Variants in TENM3 observed in about 807,000 individuals in gnomAD.
The protein encoded by TENM3 is teneurin-3.
Under a neutral mutation model 255.1 loss-of-function variants are expected in TENM3, and 63 were observed. That is an observed-to-expected ratio of 0.25 (90% CI 0.20 to 0.30). The LOEUF (loss-of-function observed/expected upper bound fraction) is 0.30, where lower values mean the gene tolerates loss of function less well. Among genes scored for constraint, TENM3 ranks in the 10% least tolerant of loss-of-function variants. The pLI is 1.00. For synonymous variants in TENM3, 1,306 were observed against 1,322.3 expected (o/e 0.99, Z 0.27); for missense variants, 2,929 against 3,461.1 (o/e 0.85, Z 3.86).
At chr4:182,317,888 G>C (rs1022310665) in intron 1 of TENM3, among the ~76,000 whole-genome samples, 1 of 152,094 alleles carries the variant, frequency 6.6e-6, no homozygotes, top group African/African-American at 2.4e-5. Flanking sequence ...GGTATGCAAA[G>C]TTGTATTTAC....
chr4:181,938,380 A>G, the TENM3 span, among the ~76,000 whole-genome samples: 1 of 152,124 alleles, frequency 6.6e-6, no homozygotes, highest in African/African-American at 2.4e-5. Flanking sequence ...CCCTCCTTCA[A>G]TTTTCTTATT....
the TENM3 span, among the ~76,000 whole-genome samples, chr4:181,712,339 T>C: frequency 8.5e-5 from 13 of 152,152 alleles, no homozygotes; most frequent in Non-Finnish European, 4.4e-5. Flanking sequence ...CCCCTTGGTG[T>C]TGTTTTTGTG....
At chr4:181,564,972 T>C in the TENM3 span, among the ~76,000 whole-genome samples, 1 of 152,216 alleles carries the variant, frequency 6.6e-6, no homozygotes, top group Non-Finnish European at 1.5e-5. Context: ...ATGTGTCTGG[T>C]CGAATGTGAG....
the TENM3 span, among the ~76,000 whole-genome samples, chr4:182,058,847 G>A: frequency 6.6e-6 from 1 of 152,020 alleles, no homozygotes; most frequent in Admixed American, 6.6e-5. Flanking sequence ...TAGTTAAGGT[G>A]CTCTGGAGTA....
the TENM3 span, among the ~76,000 whole-genome samples, chr4:181,496,228 T>C: frequency 6.6e-6 from 1 of 152,192 alleles, no homozygotes; most frequent in Non-Finnish European, 1.5e-5. Context: ...AAAAGACTAG[T>C]TTGGCAAATG....
the TENM3 span, among the ~76,000 whole-genome samples, chr4:181,500,386 G>A: frequency 2.6e-5 from 4 of 152,008 alleles, no homozygotes; most frequent in African/African-American, 9.7e-5. Context: ...CCTGACCGGG[G>A]GATCGGGGGT....
chr4:182,207,559 G>A (rs1338302374), intron 1 of TENM3, among the ~76,000 whole-genome samples: 2 of 152,150 alleles, frequency 1.3e-5, no homozygotes, highest in African/African-American at 4.8e-5. Context: ...TTTTTGGGGA[G>A]TGCATATTAC....
the TENM3 span, among the ~76,000 whole-genome samples, chr4:181,628,258 A>G: frequency 6.6e-6 from 1 of 152,098 alleles, no homozygotes; most frequent in Admixed American, 6.6e-5. Flanking sequence ...AGTAGATCGC[A>G]AATATTTTCT....
intron 3 of TENM3, among the ~76,000 whole-genome samples, chr4:182,557,725 T>C (rs1271145721): frequency 6.6e-6 from 1 of 152,112 alleles, no homozygotes; most frequent in Non-Finnish European, 1.5e-5. Context: ...TCATCTGTGC[T>C]CTCTCCCCCA....
intron 3 of TENM3, among the ~76,000 whole-genome samples, chr4:182,407,225 G>C (rs936578224): frequency 6.6e-6 from 1 of 152,134 alleles, no homozygotes. Flanking sequence ...TCAATGCTAT[G>C]AGAAGGAATA....
chr4:182,230,812 CTATATA>C (rs55642239), intron 1 of TENM3, among the ~76,000 whole-genome samples: 1,405 of 57,928 alleles, frequency 0.024, 30 homozygotes, highest in African/African-American at 0.062. Context: ...GTTTCTCAAA[CTATATA>C]TATATATATA....
chr4:181,556,973 T>C, the TENM3 span, among the ~76,000 whole-genome samples: 3 of 152,180 alleles, frequency 2.0e-5, no homozygotes, highest in Non-Finnish European at 4.4e-5. Flanking sequence ...ACAGCCTTGA[T>C]GTAAAAAATC....
the TENM3 span, among the ~76,000 whole-genome samples, chr4:182,081,603 A>AG: frequency 0.013 from 1,890 of 147,358 alleles, 36 homozygotes; most frequent in African/African-American, 0.046. Context: ...AAAAAAAAAA[A>AG]AAGAAGAAGA....
intron 16 of TENM3, among the ~76,000 whole-genome samples, chr4:182,732,408 T>C (rs1015032037): frequency 6.6e-6 from 1 of 152,220 alleles, no homozygotes; most frequent in Non-Finnish European, 1.5e-5. Context: ...TATAACTTTT[T>C]AAGAAATAGC....
At chr4:182,211,960 C>G (rs879637973) in intron 1 of TENM3, among the ~76,000 whole-genome samples, 11 of 152,048 alleles carry the variant, frequency 7.2e-5, no homozygotes, top group Non-Finnish European at 1.5e-4. Flanking sequence ...GTACGTAGCC[C>G]AGAGCCTGGC....
chr4:181,820,486 AACACAC>A, the TENM3 span, among the ~76,000 whole-genome samples: 23 of 148,168 alleles, frequency 1.6e-4, no homozygotes, highest in African/African-American at 4.0e-4. Context: ...ATTTTCTTTA[AACACAC>A]ACACACACAC....
At chr4:182,020,167 C>A in the TENM3 span, among the ~76,000 whole-genome samples, 8 of 152,024 alleles carry the variant, frequency 5.3e-5, no homozygotes, top group African/African-American at 1.9e-4. Context: ...GAGTTCGAGA[C>A]CAGTCTGGCC....
the TENM3 span, among the ~76,000 whole-genome samples, chr4:181,544,168 G>T: frequency 6.6e-6 from 1 of 151,676 alleles, no homozygotes; most frequent in South Asian, 2.1e-4. Context: ...AATAACCAAT[G>T]GTGGCAAGTC....
intron 6 of TENM3, among the ~76,000 whole-genome samples, chr4:182,663,710 T>C (rs77126664): frequency 0.05 from 7,541 of 152,322 alleles, 332 homozygotes; most frequent in East Asian, 0.18. Flanking sequence ...TTTTAAGTGA[T>C]TCTGTTCAGT....
Sources: allele counts gnomAD v4.1 joint callset (sites outside exome capture counted in the v4.1 genomes callset), GRCh38; gene constraint gnomAD v4.1.1; transcripts MANE v1.5; gene names NCBI Gene and HGNC (gene_info 2026-07-23, HGNC 2026-07-21).